The following MPHOSPH9 variants were observed in gnomAD, a reference collection of about 807,000 sequenced individuals.
MPHOSPH9 encodes the protein M-phase phosphoprotein 9.
A neutral mutation model predicts 145.5 loss-of-function variants in MPHOSPH9; 88 were observed. That is an observed-to-expected ratio of 0.60 (90% CI 0.51 to 0.72). MPHOSPH9 has a LOEUF of 0.72. Ranked by LOEUF, MPHOSPH9 falls within the 30% of genes least tolerant of loss-of-function variation. The probability of loss-of-function intolerance (pLI) is 0.00; values close to 1 mark genes in which losing one functional copy is unlikely to be tolerated. For synonymous variants in MPHOSPH9, 435 were observed against 486.2 expected (o/e 0.89, Z 1.39); for missense variants, 1,238 against 1,386.6 (o/e 0.89, Z 1.70).
At chr12:123,192,888 G>T (rs1172794248) in intron 13 of MPHOSPH9, among the ~76,000 whole-genome samples, 1 of 151,256 alleles carries the variant, frequency 6.6e-6, no homozygotes, top group African/African-American at 2.4e-5. Context: ...GACCAGCCTG[G>T]CCAGCATGGT....
chr12:123,160,090 C>G (rs1197343769), intron 23 of MPHOSPH9: 2 of 152,178 alleles, frequency 1.3e-5, no homozygotes, highest in Non-Finnish European at 2.9e-5. Flanking sequence ...AGGCTGGTCT[C>G]GAACTCCTGA....
rs757482974 is a variant in MPHOSPH9 at position 123,156,875 on chromosome 12, G to C, written c.3484C>G (p.Arg1162Gly). 2.5e-6 allele frequency: 4 copies of C among 1,609,708 alleles called. No homozygotes were observed. The highest frequency in any genetic ancestry group is 3.4e-6 in the Non-Finnish European group (4 of 1,176,784). The change falls in exon 24 of 24, where the codon CGA becomes GGA. Residue 1162 changes from arginine (R) to glycine (G), a missense_variant. Physicochemically the swap from Arg to Gly is moderately radical, Grantham distance 125 (BLOSUM62 -2). This residue lies in a region of MPHOSPH9 where 393 missense variants were observed against 462.5 expected (regional missense o/e 0.85). Coordinates refer to ENST00000606320, the MANE Select transcript of MPHOSPH9 (RefSeq NM_022782.4). ...GTCATGCGAACTGAACCCAGTTCTC[G>C]ATTAATCCTTTCCAAACGATCTTCC... ...ALEDRLERIN[R>G]ELGSVRMTLK...
rs767073530 is a variant in MPHOSPH9 at position 123,221,695 on chromosome 12, C to T, written c.549G>A (p.Thr183=). The T allele has an allele frequency of 6.8e-6, 11 of 1,613,882 alleles. No homozygotes were observed. The highest frequency in any genetic ancestry group is 1.1e-5 in the South Asian group (1 of 91,074). ...TATCCACATTGCAGTCTGGTTGTGA[C>T]GTGGACATTTCTTGCTGTATTTCAG... ...TEPEIQQEMS[T]SQPDCNVDSC... The change falls in exon 5 of 24, where the codon ACG becomes ACA. Residue 183 remains threonine, a synonymous_variant. Transcript: ENST00000606320.
intron 2 of MPHOSPH9, among the ~76,000 whole-genome samples, chr12:123,228,328 AATTT>A (rs1285126552): frequency 6.6e-6 from 1 of 152,184 alleles, no homozygotes. Flanking sequence ...TTTCACAAAT[AATTT>A]GTTTAAAAAA....
rs544755121 is a variant in MPHOSPH9, at chr12:123,188,912, T to C, written c.2241+5474A>G. ...TTAGCCAGGTGTGGTGGCGTATGCC[T>C]ATAGTCCTAGCTACTCAGAGGGCTG... is the stretch of plus-strand genomic sequence containing the variant. On this transcript the variant is annotated intron_variant, in intron 13 of 23. Transcript: ENST00000606320. Among the ~76,000 whole-genome samples, 3 of 152,248 alleles carry C rather than the reference T, an allele frequency of 2.0e-5. No homozygotes were observed. In the South Asian group the frequency reaches 6.2e-4, roughly 32 times the overall value.
Position 123,165,864 on chromosome 12 carries a change from C to T in MPHOSPH9, c.2592-387G>A, listed in dbSNP as rs548122415. Among the ~76,000 whole-genome samples the T allele has an allele frequency of 1.8e-3, 267 of 152,272 alleles. 3 individuals carry two copies. The highest frequency in any genetic ancestry group is 2.7e-3 in the Non-Finnish European group (181 of 68,024). ...GTCTACGGTAATTTGTTATAACAGT[C>T]CAAGCTAAAACACACACTTTACTGG... On this transcript the variant is annotated intron_variant, in intron 17 of 23. Transcript: ENST00000606320.
At chr12:123,166,436 C>T in intron 17 of MPHOSPH9, 1 of 586,996 alleles carries the variant, frequency 1.7e-6, no homozygotes, top group Non-Finnish European at 3.0e-6. Context: ...TAATCACAAA[C>T]CCATACTGTG....
chr12:123,220,317 G>A (rs2047143655), intron 5 of MPHOSPH9, among the ~76,000 whole-genome samples: 1 of 151,908 alleles, frequency 6.6e-6, no homozygotes, highest in African/African-American at 2.4e-5. Flanking sequence ...CATAATCCCA[G>A]CACTTTGGGA....
rs542128100 is a variant in MPHOSPH9, at chr12:123,230,386, T to A, written c.-22A>T. 5.7e-6 allele frequency: 8 copies of A among 1,404,782 alleles called. No homozygotes were observed. In the South Asian group the frequency reaches 1.0e-4, roughly 18 times the overall value. 87.0% of individuals were successfully genotyped at this position (1,404,782 alleles called of 1,614,324 possible). ...CCATAGTGTACAGAAATTGTTATAT[T>A]CTCTTATTGGAAAATAAAGGTTCTT... is the stretch of plus-strand genomic sequence containing the variant. On this transcript the variant is annotated 5_prime_UTR_variant, in exon 2 of 24. Transcript: ENST00000606320.
intron 13 of MPHOSPH9, among the ~76,000 whole-genome samples, chr12:123,186,118 T>C (rs2045431273): frequency 6.6e-6 from 1 of 151,034 alleles, no homozygotes; most frequent in African/African-American, 2.4e-5. Context: ...TCTCAGCTAC[T>C]TGGGAGGCTG....
Position 123,165,325 on chromosome 12 carries a change from G to A in MPHOSPH9, c.2744C>T (p.Thr915Ile), listed in dbSNP as rs1376869374. The stretch of plus-strand genomic sequence containing the variant: ...ACTATTTGAGGTGTCCTCTTTCTCT[G>A]TCTGTGTCCCCCAATTTTTAAATAT... ...GKIFKNWGTQ[T>I]EKEDTSNINP... The change falls in exon 18 of 24, where the codon ACA becomes ATA. Residue 915 changes from threonine to isoleucine, a missense_variant. Coordinates refer to ENST00000606320, the MANE Select transcript of MPHOSPH9 (RefSeq NM_022782.4). 6.2e-7 allele frequency: 1 copy of A among 1,613,620 alleles called. No individual in the cohort carries two copies. The highest frequency in any genetic ancestry group is 8.5e-7 in the Non-Finnish European group (1 of 1,179,824).
chr12:123,199,251 C>A (rs1469500410), intron 11 of MPHOSPH9, among the ~76,000 whole-genome samples: 1 of 152,052 alleles, frequency 6.6e-6, no homozygotes, highest in Non-Finnish European at 1.5e-5. Context: ...CATATTATGA[C>A]CTTCTGTACT....
At chr12:123,208,533 C>A (rs1396971147) in intron 8 of MPHOSPH9, among the ~76,000 whole-genome samples, 748 of 110,730 alleles carry the variant, frequency 6.8e-3, no homozygotes, top group African/African-American at 0.01. Context: ...GAAACTGTCT[C>A]AAAAAAAAAA....
At chr12:123,211,771 A>G (rs2046734036) in intron 7 of MPHOSPH9, among the ~76,000 whole-genome samples, 1 of 136,086 alleles carries the variant, frequency 7.3e-6, no homozygotes, top group Non-Finnish European at 1.5e-5. Context: ...ACAGCTCACT[A>G]CAGCCCTGAC....
At chr12:123,228,437 C>T (rs2047511375) in intron 2 of MPHOSPH9, among the ~76,000 whole-genome samples, 1 of 152,186 alleles carries the variant, frequency 6.6e-6, no homozygotes, top group South Asian at 2.1e-4. Flanking sequence ...CGCCTGTAAT[C>T]CCAGCACTTT....
chr12:123,235,763 T>C (rs995473892), upstream of MPHOSPH9, among the ~76,000 whole-genome samples: 1 of 151,964 alleles, frequency 6.6e-6, no homozygotes, highest in African/African-American at 2.4e-5. Context: ...TTGACTAGTC[T>C]TTTTAAAAAG....
Position 123,221,390 on chromosome 12 carries a change from T to C in MPHOSPH9, c.854A>G (p.Tyr285Cys). The C allele has an allele frequency of 2.5e-6, 4 of 1,600,984 alleles. No homozygotes were observed. The highest frequency in any genetic ancestry group is 2.6e-6 in the Non-Finnish European group (3 of 1,175,110). ...TACTTACCTATTTGTTTTCCCACTGTATACTTCAGAAACCTTATTTTCACC... is the reference window on the plus strand; with the variant it reads ...TACTTACCTATTTGTTTTCCCACTGCATACTTCAGAAACCTTATTTTCACC... Reference protein sequence around the residue: ...FLGENKVSEVYSGKTNSNAIT... With the variant: ...FLGENKVSEVCSGKTNSNAIT... Residue 285 changes from tyrosine to cysteine, a missense_variant, in exon 5 of 24, where the codon TAC becomes TGC. Tyr to Cys is a radical substitution (Grantham distance 194). Coordinates refer to ENST00000606320, the MANE Select transcript of MPHOSPH9 (RefSeq NM_022782.4).
At chr12:123,183,110 G>A (rs2045266316) in intron 13 of MPHOSPH9, among the ~76,000 whole-genome samples, 1 of 151,800 alleles carries the variant, frequency 6.6e-6, no homozygotes, top group South Asian at 2.1e-4. Context: ...GAGATTTCTG[G>A]TTAAAGATGA....
rs761606547 is a variant in MPHOSPH9 at position 123,194,558 on chromosome 12, T to C, written c.2069A>G (p.Lys690Arg). Residue 690 changes from lysine to arginine, a missense_variant, in exon 13 of 24, where the codon AAA becomes AGA. By Grantham distance (26) the Lys-to-Arg change is conservative. This residue lies in a region of MPHOSPH9 where 837 missense variants were observed against 897.5 expected (regional missense o/e 0.93). Transcript: ENST00000606320. ...ERFSAASSAS[K>R]ILQERIEEMR... ...TTCTTCAATTCGTTCCTGCAAAATT[T>C]TGGAAGCACTGCTGGCTGCACTGAA... The C allele has an allele frequency of 3.1e-6, 5 of 1,612,720 alleles. No individual in the cohort carries two copies. The African/African-American group carries it at 5.3e-5, about 17-fold the overall frequency.
Sources: allele counts gnomAD v4.1 joint callset (sites outside exome capture counted in the v4.1 genomes callset), GRCh38; gene constraint gnomAD v4.1.1; regional missense constraint gnomAD v4.1.1; transcripts MANE v1.5; gene names NCBI Gene and HGNC (gene_info 2026-07-23, HGNC 2026-07-21).